TADA2A: variants seen among roughly 807,000 people sequenced by gnomAD.
The protein encoded by TADA2A is transcriptional adaptor 2A, also known as transcriptional adapter 2-alpha.
TADA2A carries 38 observed loss-of-function variants against 67.4 expected under a neutral mutation model. The ratio of observed to expected loss-of-function variants is 0.56; its 90% confidence interval spans 0.44 to 0.74. The LOEUF (loss-of-function observed/expected upper bound fraction) is 0.74, where lower values mean the gene tolerates loss of function less well. TADA2A is among the 30% of genes least tolerant of loss of function. The pLI is 0.00. For synonymous variants in TADA2A, 192 were observed against 181.6 expected (o/e 1.06, Z -0.46); for missense variants, 454 against 547.0 (o/e 0.83, Z 1.70).
chr17:37,442,794 A>G (rs534921826), intron 7 of TADA2A, 142 bp downstream of exon 7: 37 of 669,988 alleles, frequency 5.5e-5, no homozygotes, highest in African/African-American at 5.0e-4. Flanking sequence ...AGGCAGCCAC[A>G]TTTTCTTAGG....
At chr17:37,457,049 A>G (rs2053411502) in intron 8 of TADA2A, among the ~76,000 whole-genome samples, 1 of 152,198 alleles carries the variant, frequency 6.6e-6, no homozygotes, top group South Asian at 2.1e-4. Context: ...TCTACACTCT[A>G]AACAGTTGCT....
rs1380904773 is a variant in TADA2A, at chr17:37,420,171, T to G, written c.26-3338T>G. On this transcript the variant is annotated intron_variant, in intron 2 of 15. Coordinates refer to ENST00000615182, the MANE Select transcript of TADA2A (RefSeq NM_001166105.3). Reference sequence around the variant, plus strand: ...CACTTAATATACAATAATTTTTGGCTCAGCGCAGTGGCTCACTCCTGTAAT... The same window carrying G: ...CACTTAATATACAATAATTTTTGGCGCAGCGCAGTGGCTCACTCCTGTAAT... Among the ~76,000 whole-genome samples the G allele has an allele frequency of 2.7e-5, 4 of 146,268 alleles. 1 individual carries two copies. The highest frequency in any genetic ancestry group is 6.1e-5 in the Non-Finnish European group (4 of 65,630).
Position 37,477,144 on chromosome 17 carries a change from C to A in TADA2A, c.*162C>A. 1.5e-6 allele frequency: 1 copy of A among 688,574 alleles called. No individual in the cohort carries two copies. Among genetic ancestry groups the A allele is most frequent in the South Asian group, 2.3e-5 (1 of 43,432 alleles). 42.7% of individuals were successfully genotyped at this position (688,574 alleles called of 1,614,324 possible). ...TAAGTTGTATTGTCTACTTTCTTCT[C>A]CATCCTGCTTTAAAACACTCCTGTT... On this transcript the variant is annotated 3_prime_UTR_variant, in exon 16 of 16. Transcript: ENST00000615182.
chr17:37,467,258 G>C (rs2053684782), intron 11 of TADA2A, among the ~76,000 whole-genome samples, 196 bp from the exon 12 acceptor site: 1 of 152,206 alleles, frequency 6.6e-6, no homozygotes, highest in East Asian at 1.9e-4. Flanking sequence ...GACAGCAGCT[G>C]GAAGATAGCT....
chr17:37,442,785 G>T, intron 7 of TADA2A, 133 bp downstream of exon 7: 2 of 714,140 alleles, frequency 2.8e-6, no homozygotes, highest in Non-Finnish European at 4.4e-6. Flanking sequence ...AGGACCTTTA[G>T]GCAGCCACAT....
chr17:37,409,278 G>GTAT (rs1418886158), intron 1 of TADA2A, among the ~76,000 whole-genome samples: 1 of 151,754 alleles, frequency 6.6e-6, no homozygotes, highest in Admixed American at 6.6e-5. Context: ...GGTAGAGACG[G>GTAT]GGTTCTCACT....
chr17:37,409,578 C>A (rs909497743), intron 1 of TADA2A, among the ~76,000 whole-genome samples: 4 of 151,540 alleles, frequency 2.6e-5, no homozygotes, highest in African/African-American at 9.7e-5. Context: ...ACCAGCCTGG[C>A]CAACATGGTG....
chr17:37,430,881 A>C (rs976515458), intron 4 of TADA2A, among the ~76,000 whole-genome samples: 8 of 152,120 alleles, frequency 5.3e-5, no homozygotes, highest in African/African-American at 1.9e-4. Context: ...TCATATTTAC[A>C]TGTCTTTTGG....
intron 1 of TADA2A, among the ~76,000 whole-genome samples, chr17:37,410,670 C>G (rs1023002954): frequency 6.6e-6 from 1 of 152,194 alleles, no homozygotes; most frequent in Admixed American, 6.5e-5. Flanking sequence ...AGCCAGAGCA[C>G]ATGGACTGAA....
intron 8 of TADA2A, among the ~76,000 whole-genome samples, chr17:37,451,940 C>T (rs983254325): frequency 1.3e-5 from 2 of 151,438 alleles, no homozygotes; most frequent in African/African-American, 2.4e-5. Context: ...GCCAAGACTG[C>T]GCTGTTGCAC....
intron 8 of TADA2A, 122 bp downstream of exon 8, chr17:37,444,890 G>A (rs1484244660): frequency 1.1e-6 from 1 of 904,280 alleles, no homozygotes; most frequent in African/African-American, 1.7e-5. Flanking sequence ...CAGAAATCTA[G>A]TGGTTAAGTT....
At chr17:37,473,671 A>T (rs1376312466) in intron 14 of TADA2A, among the ~76,000 whole-genome samples, 1 of 152,146 alleles carries the variant, frequency 6.6e-6, no homozygotes, top group African/African-American at 2.4e-5. Context: ...AAACCAAAAA[A>T]GTTTTGCTCA....
intron 5 of TADA2A, among the ~76,000 whole-genome samples, chr17:37,439,196 G>C (rs2052823053): frequency 6.6e-6 from 1 of 151,958 alleles, no homozygotes; most frequent in Non-Finnish European, 1.5e-5. Context: ...CGAACTCCTG[G>C]GCTCAAGGGA....
chr17:37,467,372 G>T, intron 11 of TADA2A, 82 bp from the exon 12 acceptor site: 1 of 1,146,476 alleles, frequency 8.7e-7, no homozygotes. Context: ...CAGAATTAAT[G>T]AAAATGCTCA....
At position 37,477,000 on chromosome 17, in the gene TADA2A, A is replaced by T. The variant is rs1190497490; in HGVS notation, c.*18A>T. 8 of 1,590,500 alleles carry T rather than the reference A, an allele frequency of 5.0e-6. No homozygotes were observed. Among genetic ancestry groups the T allele is most frequent in the Non-Finnish European group, 6.9e-6 (8 of 1,164,070 alleles). Reference sequence around the variant, plus strand: ...AAGGCTAAGGCTCCAAGAGCTTGGGATCAGAAGTCAGAAGTTTGGAATGTG... The same window carrying T: ...AAGGCTAAGGCTCCAAGAGCTTGGGTTCAGAAGTCAGAAGTTTGGAATGTG... On this transcript the variant is annotated 3_prime_UTR_variant, in exon 16 of 16. Transcript: ENST00000615182.
intron 2 of TADA2A, among the ~76,000 whole-genome samples, chr17:37,419,766 G>A (rs2052171410): frequency 1.8e-5 from 2 of 113,184 alleles, no homozygotes; most frequent in African/African-American, 6.8e-5. Flanking sequence ...TAACCAGAGT[G>A]AGACACTGTC....
intron 7 of TADA2A, 112 bp from the exon 8 acceptor site, chr17:37,444,584 A>T: frequency 1.1e-6 from 1 of 899,114 alleles, no homozygotes; most frequent in Non-Finnish European, 1.8e-6. Flanking sequence ...TAGACTTTTT[A>T]AACAACTGTT....
At chr17:37,444,873 T>G in intron 8 of TADA2A, 105 bp downstream of exon 8, 1 of 1,055,906 alleles carries the variant, frequency 9.5e-7, no homozygotes, top group Admixed American at 2.2e-5. Context: ...CCTGCCCTTA[T>G]AGAATTCAGA....
intron 1 of TADA2A, among the ~76,000 whole-genome samples, chr17:37,409,362 T>TA (rs750594963): frequency 3.3e-5 from 5 of 152,136 alleles, no homozygotes; most frequent in South Asian, 2.1e-4. Context: ...GTGCTGGAGT[T>TA]ACAGACATGA....
Sources: allele counts gnomAD v4.1 joint callset (sites outside exome capture counted in the v4.1 genomes callset), GRCh38; gene constraint gnomAD v4.1.1; transcripts MANE v1.5; gene names NCBI Gene and HGNC (gene_info 2026-07-23, HGNC 2026-07-21).